Variants in SMIM13 observed in about 807,000 individuals in gnomAD.
SMIM13 encodes the protein small integral membrane protein 13.
In SMIM13, 3 loss-of-function variants were observed where a neutral mutation model predicts 5.9. The observed-to-expected ratio is 0.51, with a 90% CI of 0.23 to 1.31. The LOEUF (loss-of-function observed/expected upper bound fraction) is 1.31, where lower values mean the gene tolerates loss of function less well. SMIM13 is among the 40% of genes most tolerant of loss of function. SMIM13 has a pLI of 0.18. For synonymous variants in SMIM13, 55 were observed against 46.0 expected (o/e 1.19, Z -0.79); for missense variants, 85 against 109.9 (o/e 0.77, Z 1.01).
rs899632685 is a variant in SMIM13 at position 11,138,525 on chromosome 6, T to A, written c.*3923T>A. 6.6e-6 allele frequency: 1 copy of A among 151,996 alleles called. No homozygotes were observed. Among genetic ancestry groups the A allele is most frequent in the African/African-American group, 2.4e-5 (1 of 41,414 alleles). 9.4% of individuals were successfully genotyped at this position (151,996 alleles called of 1,614,324 possible). ...TATGATGCATTGCCATCTTGCTGCT[T>A]GACAATAGGTTTATAAATAATTAGA... On this transcript the variant is annotated 3_prime_UTR_variant, in exon 2 of 2. Coordinates refer to ENST00000416247, the MANE Select transcript of SMIM13 (RefSeq NM_001135575.2).
intron 1 of SMIM13, among the ~76,000 whole-genome samples, chr6:11,111,185 A>G (rs886913175): frequency 2.0e-5 from 3 of 152,164 alleles, no homozygotes; most frequent in African/African-American, 7.2e-5. Context: ...CATGAATAAC[A>G]AATAGGGAAT....
At chr6:11,110,417 A>G (rs1758149841) in intron 1 of SMIM13, among the ~76,000 whole-genome samples, 1 of 152,162 alleles carries the variant, frequency 6.6e-6, no homozygotes, top group African/African-American at 2.4e-5. Flanking sequence ...CTAGCAACAG[A>G]ATGATTATCT....
At chr6:11,112,679 G>A (rs946801041) in intron 1 of SMIM13, among the ~76,000 whole-genome samples, 3 of 152,160 alleles carry the variant, frequency 2.0e-5, no homozygotes, top group Admixed American at 6.5e-5. Context: ...GTGTATATCA[G>A]TAATACATTC....
chr6:11,096,631 A>G (rs1020965145), intron 1 of SMIM13, among the ~76,000 whole-genome samples: 11 of 152,330 alleles, frequency 7.2e-5, no homozygotes, highest in African/African-American at 2.6e-4. Context: ...CAGGGCTGCC[A>G]TGACAAAATA....
rs1220120155 is a variant in SMIM13 at position 11,094,251 on chromosome 6, G to A, written c.-63G>A. The A allele has an allele frequency of 2.4e-5, 25 of 1,063,326 alleles. No homozygotes were observed. The highest frequency in any genetic ancestry group is 2.5e-5 in the Non-Finnish European group (21 of 828,606). 65.9% of individuals were successfully genotyped at this position (1,063,326 alleles called of 1,614,324 possible). A position where few individuals can be genotyped will look rare whatever the true frequency, so the allele number is the denominator to read the frequency against. On this transcript the variant is annotated 5_prime_UTR_variant, in exon 1 of 2. Transcript: ENST00000416247. ...CCGCCGCTGAAGCGCAGGACGCGCC[G>A]CCGCCCGCGCTCACCGCCGTCCGCG...
At chr6:11,133,004 A>G (rs1017417472) in intron 1 of SMIM13, among the ~76,000 whole-genome samples, 1 of 152,212 alleles carries the variant, frequency 6.6e-6, no homozygotes, top group African/African-American at 2.4e-5. Flanking sequence ...ACTGACATCA[A>G]TTGAGCATTT....
At chr6:11,104,859 A>G (rs1758059866) in intron 1 of SMIM13, 2 of 1,614,248 alleles carry the variant, frequency 1.2e-6, no homozygotes, top group African/African-American at 1.3e-5. Flanking sequence ...GTTAGAATCT[A>G]CAGTGAAAGT....
intron 1 of SMIM13, among the ~76,000 whole-genome samples, chr6:11,133,154 GT>G (rs1471901190): frequency 6.6e-6 from 1 of 152,094 alleles, no homozygotes; most frequent in African/African-American, 2.4e-5. Context: ...CGCTCTGCCT[GT>G]TTTACACAGA....
In SMIM13 at chr6:11,120,624, A is replaced by G. The variant is rs115407446; in HGVS notation, c.77-13779A>G. Among the ~76,000 whole-genome samples the G allele has an allele frequency of 2.0e-3, 300 of 152,338 alleles. 2 individuals carry two copies. Among genetic ancestry groups the G allele is most frequent in the African/African-American group, 7.0e-3 (292 of 41,566 alleles). On this transcript the variant is annotated intron_variant, in intron 1 of 1. Coordinates refer to ENST00000416247, the MANE Select transcript of SMIM13 (RefSeq NM_001135575.2). The stretch of plus-strand genomic sequence containing the variant: ...AACATTCAGACTACAGCAAGTAGCA[A>G]AATCGTATTCTCATTCTCTAGATAG...
At chr6:11,115,031 T>C (rs965150336) in intron 1 of SMIM13, among the ~76,000 whole-genome samples, 1 of 152,240 alleles carries the variant, frequency 6.6e-6, no homozygotes, top group African/African-American at 2.4e-5. Context: ...AGCAATTAAT[T>C]TAGTAAACAT....
At chr6:11,104,355 A>C in intron 1 of SMIM13, 1 of 1,551,726 alleles carries the variant, frequency 6.4e-7, no homozygotes, top group Non-Finnish European at 8.7e-7. Flanking sequence ...TACATAGCCT[A>C]TGGTACAAGT....
At position 11,137,768 on chromosome 6, in the gene SMIM13, G is replaced by T. The variant is rs189593341; in HGVS notation, c.*3166G>T. 1.3e-5 allele frequency: 2 copies of T among 152,246 alleles called. No homozygotes were observed. Among genetic ancestry groups the T allele is most frequent in the African/African-American group, 4.8e-5 (2 of 41,544 alleles). 9.4% of individuals were successfully genotyped at this position (152,246 alleles called of 1,614,324 possible). On this transcript the variant is annotated 3_prime_UTR_variant, in exon 2 of 2. Coordinates refer to ENST00000416247, the MANE Select transcript of SMIM13 (RefSeq NM_001135575.2). ...AAACACTAAATATTTGTGTAGTGCTGTTAAATGAGGTTTTTGATATTTCCA... is the reference window on the plus strand; with the variant it reads ...AAACACTAAATATTTGTGTAGTGCTTTTAAATGAGGTTTTTGATATTTCCA...
At chr6:11,130,698 G>A (rs933896040) in intron 1 of SMIM13, among the ~76,000 whole-genome samples, 1 of 152,126 alleles carries the variant, frequency 6.6e-6, no homozygotes, top group African/African-American at 2.4e-5. Context: ...ACTAAAATTG[G>A]GGAAGAGAGA....
intron 1 of SMIM13, among the ~76,000 whole-genome samples, chr6:11,112,713 C>G (rs995938247): frequency 2.0e-5 from 3 of 152,084 alleles, no homozygotes; most frequent in Admixed American, 2.0e-4. Context: ...AAAGAGTATT[C>G]CATTGTATAG....
At chr6:11,101,990 A>C (rs945339056) in intron 1 of SMIM13, among the ~76,000 whole-genome samples, 1 of 152,100 alleles carries the variant, frequency 6.6e-6, no homozygotes, top group East Asian at 1.9e-4. Context: ...CGCCCACCTC[A>C]GCCTCCCAAA....
chr6:11,114,002 C>T (rs1430856018), intron 1 of SMIM13, among the ~76,000 whole-genome samples: 4 of 141,672 alleles, frequency 2.8e-5, no homozygotes, highest in Admixed American at 7.0e-5. Context: ...TTTTTTGAGA[C>T]GGAATCTCAC....
Position 11,136,798 on chromosome 6 carries a change from TATC to T in SMIM13, c.*2200_*2202del, listed in dbSNP as rs1051190233. 6.6e-6 allele frequency: 1 copy of T among 151,630 alleles called. No homozygotes were observed. Among genetic ancestry groups the T allele is most frequent in the Non-Finnish European group, 1.5e-5 (1 of 67,926 alleles). The allele number at this position is 151,630 out of a possible 1,614,324, so 9.4% of individuals were successfully genotyped here. On this transcript the variant is annotated 3_prime_UTR_variant, in exon 2 of 2. Coordinates refer to ENST00000416247, the MANE Select transcript of SMIM13 (RefSeq NM_001135575.2). ...ATTTTAATGCTTCCTACTAGCTAAA[TATC>T]ATCTTAAAATGATTATCAGAAAAAA...
At chr6:11,101,080 G>T (rs543516483) in intron 1 of SMIM13, among the ~76,000 whole-genome samples, 1 of 144,010 alleles carries the variant, frequency 6.9e-6, no homozygotes, top group African/African-American at 2.6e-5. Flanking sequence ...GTAGTTGTAT[G>T]CTGGACCTTT....
At chr6:11,103,807 A>G (rs765981424) in intron 1 of SMIM13, 11 of 1,551,704 alleles carry the variant, frequency 7.1e-6, no homozygotes, top group East Asian at 2.4e-5. Context: ...TTTAGGAGAC[A>G]TGGACCAAAA....
Sources: gnomAD v4.1 joint callset for allele counts (sites outside exome capture counted in the v4.1 genomes callset) on GRCh38, gnomAD v4.1.1 for gene constraint, MANE v1.5 for transcripts, NCBI Gene and HGNC (gene_info 2026-07-23, HGNC 2026-07-21) for gene names.